Variants in SEMA4G observed in about 807,000 individuals in gnomAD.
SEMA4G encodes semaphorin 4G.
In SEMA4G, 59 loss-of-function variants were observed where a neutral mutation model predicts 81.2. The ratio of observed to expected loss-of-function variants is 0.73; its 90% CI spans 0.59 to 0.90. SEMA4G has a LOEUF of 0.90. SEMA4G is among the 40% of genes least tolerant of loss of function. The pLI, the probability that SEMA4G is intolerant of heterozygous loss-of-function variation, is 0.00. For synonymous variants in SEMA4G, 404 were observed against 433.9 expected (o/e 0.93, Z 0.86); for missense variants, 952 against 1,102.3 (o/e 0.86, Z 1.93).
In SEMA4G at chr10:100,984,439, C is replaced by G. The variant is rs947905136; in HGVS notation, c.*308C>G. Reference sequence around the variant, plus strand: ...TAACCTAAACACTTATAGGTGAGGACTCCATCCTCCTGTTCCATTCATCTG... The same window carrying G: ...TAACCTAAACACTTATAGGTGAGGAGTCCATCCTCCTGTTCCATTCATCTG... On this transcript the variant is annotated 3_prime_UTR_variant, in exon 14 of 14. Transcript: ENST00000370250. 1.3e-5 allele frequency: 19 copies of G among 1,497,558 alleles called. No individual in the cohort carries two copies. The African/African-American group carries it at 2.4e-4, about 19-fold the overall frequency. 92.8% of individuals were successfully genotyped at this position (1,497,558 alleles called of 1,614,324 possible).
At chr10:100,970,048 C>T (rs1374396818), upstream of SEMA4G, 1 of 360,300 alleles carries the variant, frequency 2.8e-6, no homozygotes, top group Non-Finnish European at 5.8e-6. Context: ...GAAATACCGC[C>T]TACACTAGGC....
exon 14 of SEMA4G, chr10:100,984,379 G>C (rs1460240665): frequency 3.5e-6 from 5 of 1,448,782 alleles, no homozygotes; most frequent in Admixed American, 2.6e-5. Flanking sequence ...CTCAGGATCA[G>C]GTGCCCTGCA....
At chr10:100,984,569 A>T (rs1212785459) in exon 14 of SEMA4G, 1 of 1,536,146 alleles carries the variant, frequency 6.5e-7, no homozygotes, top group Non-Finnish European at 8.7e-7. Flanking sequence ...CTGAAACCAG[A>T]CAAGACCTCT....
In SEMA4G at chr10:100,973,589, C is replaced by CA. The variant is rs769978574; in HGVS notation, c.321dup (p.Gly108ArgfsTer10). ...CCCAGAGATGCAAAGCAAATGTCAT[C>CA]AAAAAGGGAAAAACAACCAGGTATG... is the stretch of plus-strand genomic sequence containing the variant. On this transcript the variant is annotated frameshift_variant, in exon 3 of 14. Transcript: ENST00000370250. LOFTEE classifies it high-confidence loss of function. The surrounding 1 kb of genome is among the most constrained non-coding windows in gnomAD (Gnocchi z 5.5). 24 of 1,613,986 alleles carry CA rather than the reference C, an allele frequency of 1.5e-5. No individual in the cohort carries two copies. Among genetic ancestry groups the CA allele is most frequent in the Non-Finnish European group, 1.9e-5 (23 of 1,180,020 alleles).
At chr10:100,970,069 C>G, upstream of SEMA4G, 2 of 344,022 alleles carry the variant, frequency 5.8e-6, no homozygotes, top group Non-Finnish European at 1.2e-5. Context: ...AGGTGGACAT[C>G]TGGGATGAAG....
intron 10 of SEMA4G, 101 bp downstream of exon 11, chr10:100,980,445 G>C: frequency 1.5e-6 from 2 of 1,369,660 alleles, no homozygotes; most frequent in South Asian, 1.2e-5. Flanking sequence ...CCAGTGTCCT[G>C]AGGGTCCACT....
At chr10:100,970,399 A>T (rs148084695), upstream of SEMA4G, among the ~76,000 whole-genome samples, 1,079 of 152,062 alleles carry the variant, frequency 7.1e-3, 10 homozygotes, top group African/African-American at 0.025. Flanking sequence ...GTGGAGGAGT[A>T]CTAAATTATG....
intron 8 of SEMA4G, 128 bp downstream of exon 9, chr10:100,979,399 T>C (rs1850947403): frequency 6.3e-7 from 1 of 1,578,018 alleles, no homozygotes; most frequent in Non-Finnish European, 8.6e-7. Flanking sequence ...TTTTTTTTTT[T>C]TTAAGAGGGA....
At chr10:100,971,116 ATGTGTGTGTG>A (rs10563529), upstream of SEMA4G, among the ~76,000 whole-genome samples, 1 of 151,304 alleles carries the variant, frequency 6.6e-6, no homozygotes, top group Admixed American at 6.6e-5. Flanking sequence ...CCTTGTGAAC[ATGTGTGTGTG>A]TGTGTGTGTG....
At position 100,973,108 on chromosome 10, in the gene SEMA4G, C is replaced by T. The variant is rs1426478888; in HGVS notation, c.125-21C>T. The T allele has an allele frequency of 8.7e-6, 14 of 1,614,128 alleles. No individual in the cohort carries two copies. Among genetic ancestry groups the T allele is most frequent in the East Asian group, 2.2e-5 (1 of 44,870 alleles). On this transcript the variant is annotated intron_variant, in intron 1 of 13. Transcript: ENST00000370250. The surrounding 1 kb of genome is among the most constrained non-coding windows in gnomAD (Gnocchi z 5.5). ...GGGGAGGCACCCCAGAACTAGGGCT[C>T]ACTGTTCCTGCTCTCCCCAGAGCTC...
At chr10:100,971,844 C>T (rs1183061990), upstream of SEMA4G, among the ~76,000 whole-genome samples, 1 of 152,190 alleles carries the variant, frequency 6.6e-6, no homozygotes, top group African/African-American at 2.4e-5. Context: ...TATGTCTCAA[C>T]TGGCCTTGCA....
At chr10:100,970,787 C>A (rs1379165201), upstream of SEMA4G, among the ~76,000 whole-genome samples, 1 of 152,184 alleles carries the variant, frequency 6.6e-6, no homozygotes, top group East Asian at 1.9e-4. Context: ...ATGTACTTGA[C>A]CCTTCTGTGA....
exon 14 of SEMA4G, chr10:100,984,692 T>C: frequency 6.5e-7 from 1 of 1,536,282 alleles, no homozygotes; most frequent in Non-Finnish European, 8.7e-7. Context: ...GTTTCATCCC[T>C]GCTTCTGGAC....
At chr10:100,979,316 A>G (rs1476780434) in intron 8 of SEMA4G, 45 bp downstream of exon 9, 1 of 1,614,006 alleles carries the variant, frequency 6.2e-7, no homozygotes, top group East Asian at 2.2e-5. Flanking sequence ...CGGACAGCAT[A>G]GGGGCTGGAG....
At chr10:100,974,027 T>C (rs567792691) in intron 3 of SEMA4G, among the ~76,000 whole-genome samples, 9 of 151,802 alleles carry the variant, frequency 5.9e-5, no homozygotes, top group African/African-American at 2.2e-4. Flanking sequence ...CCCCCTACCT[T>C]AGCCTCCCAA....
At chr10:100,984,431 G>C in exon 14 of SEMA4G, 1 of 1,491,796 alleles carries the variant, frequency 6.7e-7, no homozygotes, top group Non-Finnish European at 8.9e-7. Flanking sequence ...AACACTTATA[G>C]GTGAGGACTC....
chr10:100,980,423 A>G (rs765798167), intron 10 of SEMA4G, 79 bp downstream of exon 11: 48 of 1,452,406 alleles, frequency 3.3e-5, no homozygotes, highest in East Asian at 4.6e-5. Flanking sequence ...TGCCATGACT[A>G]GTCTGGAGTT....
chr10:100,978,415 G>A, intron 5 of SEMA4G, 27 bp downstream of exon 6: 1 of 1,609,002 alleles, frequency 6.2e-7, no homozygotes, highest in South Asian at 1.1e-5. Context: ...CCCTATCACA[G>A]ACATGGTATT....
At chr10:100,983,562 G>T in exon 14 of SEMA4G, 1 of 1,613,796 alleles carries the variant, frequency 6.2e-7, no homozygotes, top group Non-Finnish European at 8.5e-7. Context: ...TAGTCTCACA[G>T]TCCGGCCAGC....
Sources: gnomAD v4.1 joint callset for allele counts (sites outside exome capture counted in the v4.1 genomes callset) on GRCh38, gnomAD v4.1.1 for gene constraint, Gnocchi (gnomAD v3.1) non-coding constraint, MANE v1.5 for transcripts, NCBI Gene and HGNC (gene_info 2026-07-23, HGNC 2026-07-21) for gene names.